OSTN: variants seen among roughly 807,000 people sequenced by gnomAD.
OSTN encodes the protein osteocrin.
OSTN carries 9 observed loss-of-function variants against 12.0 expected under a neutral mutation model. The observed-to-expected ratio is 0.75, with a 90% CI of 0.45 to 1.30. OSTN has a LOEUF of 1.30. Ranked by LOEUF, OSTN falls within the 50% of genes most tolerant of loss-of-function variation. The probability of loss-of-function intolerance (pLI) is 0.00; values close to 1 mark genes in which losing one functional copy is unlikely to be tolerated. For missense variants in OSTN, 148 were observed against 152.3 expected (o/e 0.97, Z 0.15); for synonymous variants, 59 against 56.9 (o/e 1.04, Z -0.16).
chr3:191,200,909 C>T (rs1345574149), intron 1 of OSTN, among the ~76,000 whole-genome samples: 1 of 152,118 alleles, frequency 6.6e-6, no homozygotes, highest in Admixed American at 6.6e-5. Flanking sequence ...ACTTCTAATT[C>T]TAGTTCTGAC....
chr3:191,260,689 A>T (rs1224668636), intron 4 of OSTN, among the ~76,000 whole-genome samples: 1 of 152,184 alleles, frequency 6.6e-6, no homozygotes, highest in Admixed American at 6.5e-5. Context: ...TGGCCACCTG[A>T]TGTGATCCAA....
intron 3 of OSTN, among the ~76,000 whole-genome samples, chr3:191,248,210 A>T (rs1356724354): frequency 6.6e-6 from 1 of 152,132 alleles, no homozygotes; most frequent in East Asian, 1.9e-4. Context: ...AAGGAAAAAA[A>T]ATGACATAAT....
intron 4 of OSTN, among the ~76,000 whole-genome samples, chr3:191,259,924 G>A (rs972514558): frequency 7.0e-6 from 1 of 143,184 alleles, no homozygotes; most frequent in African/African-American, 2.6e-5. Context: ...GTACAATCTC[G>A]ACTTACTGCA....
intron 3 of OSTN, among the ~76,000 whole-genome samples, chr3:191,224,696 A>G (rs1029516138): frequency 6.6e-6 from 1 of 152,124 alleles, no homozygotes; most frequent in Non-Finnish European, 1.5e-5. Flanking sequence ...CAAAATCAAA[A>G]ACAAGAAGAC....
At chr3:191,203,020 C>T (rs879873718) in intron 1 of OSTN, among the ~76,000 whole-genome samples, 37 of 152,282 alleles carry the variant, frequency 2.4e-4, no homozygotes, top group Non-Finnish European at 5.3e-4. Flanking sequence ...ATGCATGTAA[C>T]TTTCATTAGA....
intron 1 of OSTN, among the ~76,000 whole-genome samples, chr3:191,200,626 A>G (rs1714130808): frequency 1.3e-5 from 2 of 152,088 alleles, no homozygotes; most frequent in South Asian, 4.2e-4. Context: ...AGGCTTGATA[A>G]TATTGTATTT....
At chr3:191,214,260 C>T (rs1037747675) in intron 2 of OSTN, among the ~76,000 whole-genome samples, 1 of 151,684 alleles carries the variant, frequency 6.6e-6, no homozygotes, top group African/African-American at 2.4e-5. Flanking sequence ...AGAGTCTGGC[C>T]AACATGGTGA....
intron 3 of OSTN, among the ~76,000 whole-genome samples, chr3:191,221,695 G>A (rs759552013): frequency 3.9e-5 from 6 of 152,044 alleles, no homozygotes; most frequent in Admixed American, 3.3e-4. Context: ...TGAAAAATTT[G>A]CAGCCTGATG....
chr3:191,207,513 C>A (rs1714308943), intron 1 of OSTN, among the ~76,000 whole-genome samples: 1 of 152,196 alleles, frequency 6.6e-6, no homozygotes, highest in African/African-American at 2.4e-5. Context: ...CCATCTCTAA[C>A]ATTTATACAT....
At chr3:191,220,205 C>T (rs765604420) in intron 3 of OSTN, among the ~76,000 whole-genome samples, 32 of 152,100 alleles carry the variant, frequency 2.1e-4, no homozygotes, top group Non-Finnish European at 2.9e-4. Context: ...GGATACTTGT[C>T]GCAATTTGCT....
At chr3:191,205,098 A>G (rs942885556) in intron 1 of OSTN, among the ~76,000 whole-genome samples, 5 of 152,232 alleles carry the variant, frequency 3.3e-5, no homozygotes, top group African/African-American at 1.2e-4. Context: ...TTTTTAGGAA[A>G]CAATATTAAA....
At chr3:191,214,678 G>A (rs565740279) in intron 2 of OSTN, among the ~76,000 whole-genome samples, 1 of 152,116 alleles carries the variant, frequency 6.6e-6, no homozygotes, top group East Asian at 1.9e-4. Flanking sequence ...TTGTTCTACT[G>A]GAGAAAATGA....
chr3:191,233,839 C>T (rs1457649609), intron 3 of OSTN, among the ~76,000 whole-genome samples: 1 of 152,020 alleles, frequency 6.6e-6, no homozygotes, highest in Non-Finnish European at 1.5e-5. Context: ...ACTAAAAATA[C>T]AAAATTTGCT....
intron 3 of OSTN, among the ~76,000 whole-genome samples, chr3:191,220,605 C>T (rs1030657403): frequency 7.9e-5 from 12 of 151,998 alleles, no homozygotes; most frequent in African/African-American, 2.7e-4. Flanking sequence ...AATTGAGCTA[C>T]CGTATGTTCC....
intron 3 of OSTN, among the ~76,000 whole-genome samples, chr3:191,246,732 G>GAA (rs1715442354): frequency 6.8e-6 from 1 of 147,538 alleles, no homozygotes; most frequent in East Asian, 2.0e-4. Flanking sequence ...AGAAGAAGAA[G>GAA]GAGGAGGAAG....
chr3:191,208,309 G>T (rs908190766), intron 1 of OSTN, among the ~76,000 whole-genome samples: 6 of 152,126 alleles, frequency 3.9e-5, no homozygotes, highest in African/African-American at 1.4e-4. Context: ...GCTGAACTTA[G>T]ACTTTTCCTT....
intron 3 of OSTN, among the ~76,000 whole-genome samples, chr3:191,239,373 T>G (rs73055326): frequency 0.017 from 2,595 of 152,316 alleles, 82 homozygotes; most frequent in African/African-American, 0.059. Context: ...GAGAGGATAT[T>G]TTCTGTCATA....
At chr3:191,212,431 T>C (rs1411156149) in intron 1 of OSTN, 102 bp from the exon 2 acceptor site, 1 of 491,504 alleles carries the variant, frequency 2.0e-6, no homozygotes, top group East Asian at 3.8e-5. Context: ...AGCCGAATAA[T>C]TTGGCTTACC....
At chr3:191,262,474 TATA>T (rs1715834006) in intron 4 of OSTN, among the ~76,000 whole-genome samples, 1 of 152,232 alleles carries the variant, frequency 6.6e-6, no homozygotes, top group African/African-American at 2.4e-5. Flanking sequence ...TTCAATGTGT[TATA>T]ATAAACAGAA....
Sources: gnomAD v4.1 joint callset for allele counts (sites outside exome capture counted in the v4.1 genomes callset) on GRCh38, gnomAD v4.1.1 for gene constraint, MANE v1.5 for transcripts, NCBI Gene and HGNC (gene_info 2026-07-23, HGNC 2026-07-21) for gene names.